DNAH2: variants seen among roughly 807,000 people sequenced by gnomAD.
The protein encoded by DNAH2 is dynein axonemal heavy chain 2, also known as axonemal beta dynein heavy chain 2.
A neutral mutation model predicts 523.5 loss-of-function variants in DNAH2; 323 were observed. The observed-to-expected ratio is 0.62, with a 90% CI of 0.56 to 0.68. The LOEUF is 0.68. DNAH2 is among the 30% of genes least tolerant of loss of function. The pLI is 0.00. For missense variants in DNAH2, 4,907 were observed against 5,701.5 expected (o/e 0.86, Z 4.49); for synonymous variants, 2,093 against 2,177.4 (o/e 0.96, Z 1.08).
Position 7,831,306 on chromosome 17 carries a change from G to T in DNAH2, c.12451G>T (p.Glu4151Ter). ...TPTRAGGQTREEKVLELAADV... is the reference protein window; with the variant it reads ...TPTRAGGQTR ...CACCAGGGCTGGAGGCCAGACCCGG[G>T]AAGAGAAGGTAAAAAGAGCCGGGCC... The change falls in exon 80 of 86, where the codon GAA becomes TAA. Residue 4151 changes from glutamate to a stop codon, truncating the protein, a stop_gained. Transcript: ENST00000572933. LOFTEE classifies it high-confidence loss of function. This position sits in a 1 kb window ranked among gnomAD's most constrained non-coding sequence, Gnocchi z 4.2. 1 of 1,614,100 alleles carries T rather than the reference G, an allele frequency of 6.2e-7. No individual in the cohort carries two copies. Among genetic ancestry groups the T allele is most frequent in the Non-Finnish European group, 8.5e-7 (1 of 1,180,022 alleles).
intron 18 of DNAH2, among the ~76,000 whole-genome samples, chr17:7,763,156 ATT>A (rs1450724763): frequency 1.4e-5 from 2 of 146,958 alleles, no homozygotes; most frequent in Admixed American, 1.4e-4. Flanking sequence ...TTGTATATTT[ATT>A]TATTTATTTA....
chr17:7,747,922 T>C (rs1191312347), intron 12 of DNAH2, among the ~76,000 whole-genome samples: 1 of 152,206 alleles, frequency 6.6e-6, no homozygotes, highest in Non-Finnish European at 1.5e-5. Flanking sequence ...CCAAAACTTA[T>C]TAACACTTCA....
chr17:7,794,534 G>A (rs2077011621), intron 49 of DNAH2, among the ~76,000 whole-genome samples, 176 bp downstream of exon 49: 1 of 152,184 alleles, frequency 6.6e-6, no homozygotes, highest in Non-Finnish European at 1.5e-5. Context: ...AGAGCTACGG[G>A]TTGGAAGCGT....
rs2075771259 is a variant in DNAH2 at position 7,754,203 on chromosome 17, A to AG, written c.1905-2884dup. The AG allele has an allele frequency of 1.1e-5, 2 of 179,202 alleles. No individual in the cohort carries two copies. The highest frequency in any genetic ancestry group is 4.7e-5 in the African/African-American group (2 of 42,350). 11.1% of individuals were successfully genotyped at this position (179,202 alleles called of 1,614,324 possible). A position where few individuals can be genotyped will look rare whatever the true frequency, so the allele number is the denominator to read the frequency against. ...GCACCTGAAGAAGGACAGGAGTTGA[A>AG]GGGGCGCTGTTTTTTATCCTTTTAA... On this transcript the variant is annotated intron_variant, in intron 12 of 85. Coordinates refer to ENST00000572933, the MANE Select transcript of DNAH2 (RefSeq NM_020877.5). This position sits in a 1 kb window ranked among gnomAD's most constrained non-coding sequence, Gnocchi z 4.6.
At chr17:7,738,024 G>A in intron 8 of DNAH2, 1 of 703,196 alleles carries the variant, frequency 1.4e-6, no homozygotes, top group East Asian at 2.7e-5. Flanking sequence ...ATCTTTGAGG[G>A]ATATGTCTCT....
intron 39 of DNAH2, among the ~76,000 whole-genome samples, chr17:7,781,971 A>G (rs2076614982): frequency 6.6e-6 from 1 of 152,192 alleles, no homozygotes; most frequent in Non-Finnish European, 1.5e-5. Context: ...AAACTACTAA[A>G]ATGATGGATA....
intron 77 of DNAH2, among the ~76,000 whole-genome samples, chr17:7,826,784 C>T (rs1417415687): frequency 6.6e-6 from 1 of 151,950 alleles, no homozygotes; most frequent in Non-Finnish European, 1.5e-5. Flanking sequence ...GGCAATCTGC[C>T]TACTCTCGGC....
In DNAH2 at chr17:7,799,187, G is replaced by T; in HGVS notation, c.8644G>T (p.Val2882Leu). The T allele has an allele frequency of 3.7e-6, 6 of 1,614,212 alleles. No homozygotes were observed. The South Asian group carries it at 6.6e-5, about 18-fold the overall frequency. ...DSLFAYLIER[V>L]QNNLHIVLCL... ...CCTCTTCGCCTACCTCATTGAACGC[G>T]TGCAGAACAACCTGCACATCGTGCT... The change falls in exon 56 of 86, where the codon GTG becomes TTG. Residue 2882 changes from valine to leucine, a missense_variant. Coordinates refer to ENST00000572933, the MANE Select transcript of DNAH2 (RefSeq NM_020877.5).
chr17:7,767,829 A>G, intron 22 of DNAH2, 71 bp from the exon 23 acceptor site: 1 of 1,599,994 alleles, frequency 6.3e-7, no homozygotes, highest in Non-Finnish European at 8.5e-7. Context: ...AGAGCAGCGA[A>G]GGGCCTGGGC....
chr17:7,792,423 GC>G (rs1297765557), intron 46 of DNAH2, 80 bp downstream of exon 46: 6 of 1,388,898 alleles, frequency 4.3e-6, no homozygotes, highest in Non-Finnish European at 6.1e-6. Flanking sequence ...GGGCCTAGAA[GC>G]AAAAATGAGC....
At chr17:7,740,075 G>GGT in intron 9 of DNAH2, 137 bp downstream of exon 9, 2 of 481,900 alleles carry the variant, frequency 4.2e-6, no homozygotes, top group South Asian at 3.9e-5. Flanking sequence ...CCGGGGGGGG[G>GGT]GACAGGAGAG....
At position 7,740,910 on chromosome 17, in the gene DNAH2, A is replaced by AC. The variant is rs1432441693; in HGVS notation, c.1609dup (p.Leu537ProfsTer56). The AC allele has an allele frequency of 6.2e-7, 1 of 1,613,968 alleles. No homozygotes were observed. The highest frequency in any genetic ancestry group is 1.7e-5 in the Admixed American group (1 of 60,018). ...CGTGAACGGAACAAGAAATGGCCAG[A>AC]CCTGGAGCCCTACGTGGCCCAGTAT... is the stretch of plus-strand genomic sequence containing the variant. On this transcript the variant is annotated frameshift_variant, in exon 11 of 86. Coordinates refer to ENST00000572933, the MANE Select transcript of DNAH2 (RefSeq NM_020877.5). LOFTEE classifies it high-confidence loss of function.
Position 7,780,736 on chromosome 17 carries a change from A to G in DNAH2, c.5957A>G (p.Tyr1986Cys). 1.2e-6 allele frequency: 2 copies of G among 1,614,250 alleles called. No homozygotes were observed. Among genetic ancestry groups the G allele is most frequent in the Non-Finnish European group, 1.7e-6 (2 of 1,180,050 alleles). The change falls in exon 38 of 86, where the codon TAT becomes TGT. Residue 1986 changes from tyrosine (Y) to cysteine (C), a missense_variant. By Grantham distance (194) the Tyr-to-Cys change is radical (BLOSUM62 -2). Around this residue, in one of 3 missense-constraint regions of DNAH2, gnomAD observed 2,806 missense variants for 3,190.8 expected, o/e 0.88. Coordinates refer to ENST00000572933, the MANE Select transcript of DNAH2 (RefSeq NM_020877.5). The surrounding 1 kb of genome is among the most constrained non-coding windows in gnomAD (Gnocchi z 4.4). ...GLRALTSLLR[Y>C]AGKKRRLQPD... The stretch of plus-strand genomic sequence containing the variant: ...CGTGCCCTCACCTCCCTTCTGCGCT[A>G]TGCTGGCAAGAAGCGCCGCCTACAG...
In DNAH2 at chr17:7,833,671, C is replaced by T; in HGVS notation, c.*138C>T. The T allele has an allele frequency of 1.7e-6, 2 of 1,184,304 alleles. No homozygotes were observed. Among genetic ancestry groups the T allele is most frequent in the Non-Finnish European group, 2.4e-6 (2 of 823,464 alleles). The allele number at this position is 1,184,304 out of a possible 1,614,324, so 73.4% of individuals were successfully genotyped here. On this transcript the variant is annotated 3_prime_UTR_variant, in exon 86 of 86. Coordinates refer to ENST00000572933, the MANE Select transcript of DNAH2 (RefSeq NM_020877.5). ...TTTGTGTGATGTGGCCCTGGAGATA[C>T]CTAGTTGTGTTAGCCATAAAAGTGA...
chr17:7,741,296 T>TTCTTTCTTTCTTC lies in DNAH2; in HGVS notation c.1689+304_1689+305insTCTTTCTTTCTTC, dbSNP rs1567624948. On this transcript the variant is annotated intron_variant, in intron 11 of 85. Transcript: ENST00000572933. ...TTTCTTTCTTTCTTTCTTTCTTTCT[T>TTCTTTCTTTCTTC]CCTTCCTTCCCTCCCTCCCTCCCTC... 6.0e-4 allele frequency among the ~76,000 whole-genome samples: 25 copies of TTCTTTCTTTCTTC among 41,872 alleles called. 2 individuals carry two copies. In the East Asian group the frequency reaches 0.017, roughly 29 times the overall value. 27.5% of individuals were successfully genotyped at this position (41,872 alleles called of 152,430 possible).
intron 12 of DNAH2, among the ~76,000 whole-genome samples, chr17:7,753,441 T>C (rs1478267724): frequency 6.6e-6 from 1 of 152,022 alleles, no homozygotes; most frequent in Non-Finnish European, 1.5e-5. Flanking sequence ...GTGGGCTGGA[T>C]GTGAAGAACC....
rs2077729398 is a variant in DNAH2, at chr17:7,817,964, C to T, written c.10255C>T (p.Leu3419=). 2.5e-6 allele frequency: 4 copies of T among 1,614,142 alleles called. No homozygotes were observed. The East Asian group carries it at 6.7e-5, about 27-fold the overall frequency. Residue 3419 remains leucine, a synonymous_variant, in exon 68 of 86, where the codon CTG becomes TTG. Coordinates refer to ENST00000572933, the MANE Select transcript of DNAH2 (RefSeq NM_020877.5). ...EGGQGLKIID[L]QMSDYLRILE... ...TCTCTAGGGCCTGAAGATCATCGAC[C>T]TGCAGATGAGCGATTACCTGCGAAT...
intron 29 of DNAH2, 79 bp downstream of exon 29, chr17:7,775,055 T>TGG: frequency 7.1e-7 from 1 of 1,417,636 alleles, no homozygotes; most frequent in East Asian, 2.3e-5. Context: ...GAGGGGACCC[T>TGG]GCCCTCCCAA....
At chr17:7,734,135 CA>C (rs1459104615) in intron 5 of DNAH2, 47 bp from the exon 6 acceptor site, 3 of 1,513,018 alleles carry the variant, frequency 2.0e-6, no homozygotes, top group Non-Finnish European at 2.7e-6. Context: ...ACGGGGCCAG[CA>C]AGAACTCATC....
Sources: allele counts gnomAD v4.1 joint callset (sites outside exome capture counted in the v4.1 genomes callset), GRCh38; gene constraint gnomAD v4.1.1; regional missense constraint gnomAD v4.1.1; non-coding constraint Gnocchi (gnomAD v3.1); transcripts MANE v1.5; gene names NCBI Gene and HGNC (gene_info 2026-07-23, HGNC 2026-07-21).